CCDC85A: variants seen among roughly 807,000 people sequenced by gnomAD.
CCDC85A encodes the protein coiled-coil domain containing 85A, also known as coiled-coil domain-containing protein 85A.
A neutral mutation model predicts 50.2 loss-of-function variants in CCDC85A; 38 were observed. The observed-to-expected ratio is 0.76, with a 90% confidence interval of 0.58 to 0.99. The LOEUF (loss-of-function observed/expected upper bound fraction) is 0.99, where lower values mean the gene tolerates loss of function less well. Ranked by LOEUF, CCDC85A falls within the 50% of genes least tolerant of loss-of-function variation. The pLI, the probability that CCDC85A is intolerant of heterozygous loss-of-function variation, is 0.00. For missense variants in CCDC85A, 820 were observed against 742.0 expected (o/e 1.11, Z -1.22); for synonymous variants, 366 against 301.4 (o/e 1.21, Z -2.22).
intron 1 of CCDC85A, chr2:56,185,895 C>T (rs1676012160): frequency 6.6e-6 from 1 of 152,292 alleles, no homozygotes; most frequent in Non-Finnish European, 1.5e-5. Context: ...AAGCCAGACA[C>T]AAACGAAATC....
intron 2 of CCDC85A, among the ~76,000 whole-genome samples, chr2:56,236,229 C>G (rs569357822): frequency 6.6e-6 from 1 of 152,144 alleles, no homozygotes; most frequent in Admixed American, 6.5e-5. Flanking sequence ...CTAGTGAGCA[C>G]TCTAGTGTCA....
intron 2 of CCDC85A, among the ~76,000 whole-genome samples, chr2:56,270,211 A>C (rs1404674153): frequency 2.0e-5 from 3 of 152,228 alleles, no homozygotes; most frequent in Admixed American, 1.3e-4. Flanking sequence ...GCAAATGGAA[A>C]TTGGCAAAAT....
intron 2 of CCDC85A, among the ~76,000 whole-genome samples, chr2:56,271,710 A>T (rs1320029375): frequency 6.6e-6 from 1 of 152,188 alleles, no homozygotes; most frequent in African/African-American, 2.4e-5. Flanking sequence ...ATGGGAGGTA[A>T]GGCACAGACA....
chr2:56,219,393 C>A (rs1439321447), intron 2 of CCDC85A, among the ~76,000 whole-genome samples: 1 of 151,524 alleles, frequency 6.6e-6, no homozygotes, highest in Non-Finnish European at 1.5e-5. Flanking sequence ...CATGATCTTG[C>A]ATTTTAAAGT....
At chr2:56,295,577 T>C (rs1671911989) in intron 2 of CCDC85A, among the ~76,000 whole-genome samples, 1 of 152,162 alleles carries the variant, frequency 6.6e-6, no homozygotes, top group South Asian at 2.1e-4. Flanking sequence ...AGAATAGGTG[T>C]GGGGTGTGCG....
intron 2 of CCDC85A, among the ~76,000 whole-genome samples, chr2:56,223,948 A>G (rs1668436336): frequency 1.3e-5 from 2 of 152,066 alleles, no homozygotes; most frequent in Admixed American, 6.6e-5. Flanking sequence ...CCTTCACTTA[A>G]TATCTTTGTT....
intron 2 of CCDC85A, among the ~76,000 whole-genome samples, chr2:56,251,525 G>T (rs1669756337): frequency 6.6e-6 from 1 of 151,906 alleles, no homozygotes; most frequent in South Asian, 2.1e-4. Context: ...AATAAATATT[G>T]TTTGTATCAT....
chr2:56,354,989 C>A (rs938148316), intron 3 of CCDC85A, among the ~76,000 whole-genome samples: 3 of 152,182 alleles, frequency 2.0e-5, no homozygotes, highest in Non-Finnish European at 2.9e-5. Flanking sequence ...CAGTGTTCTC[C>A]ATGGGCCCAG....
intron 2 of CCDC85A, among the ~76,000 whole-genome samples, chr2:56,196,474 T>A (rs1172903394): frequency 6.6e-6 from 1 of 152,224 alleles, no homozygotes; most frequent in Non-Finnish European, 1.5e-5. Context: ...CTATTGAGAA[T>A]GGGGGTTTCA....
At chr2:56,329,503 A>G (rs1476899608) in intron 2 of CCDC85A, among the ~76,000 whole-genome samples, 1 of 152,232 alleles carries the variant, frequency 6.6e-6, no homozygotes, top group African/African-American at 2.4e-5. Flanking sequence ...AACGTACAAA[A>G]AAGTTCAAAG....
chr2:56,195,432 A>G (rs1391406982), intron 2 of CCDC85A, among the ~76,000 whole-genome samples: 1 of 152,198 alleles, frequency 6.6e-6, no homozygotes, highest in Non-Finnish European at 1.5e-5. Context: ...TGTCTACTTC[A>G]AGTTTTCTCA....
chr2:56,210,438 C>T (rs73940624), intron 2 of CCDC85A, among the ~76,000 whole-genome samples: 1 of 152,098 alleles, frequency 6.6e-6, no homozygotes, highest in African/African-American at 2.4e-5. Context: ...TGTGACAAAC[C>T]ACCTCAACAC....
At chr2:56,363,102 A>C (rs1187447953) in intron 3 of CCDC85A, among the ~76,000 whole-genome samples, 1 of 152,178 alleles carries the variant, frequency 6.6e-6, no homozygotes, top group Non-Finnish European at 1.5e-5. Context: ...CTTGTTTTCC[A>C]TCGTATTTTT....
intron 3 of CCDC85A, among the ~76,000 whole-genome samples, chr2:56,361,312 A>G (rs948317826): frequency 5.9e-5 from 9 of 152,040 alleles, no homozygotes; most frequent in African/African-American, 2.2e-4. Flanking sequence ...GCTGATGGCT[A>G]GCATTGGCCA....
chr2:56,210,505 T>C (rs567981110), intron 2 of CCDC85A, among the ~76,000 whole-genome samples: 1 of 152,102 alleles, frequency 6.6e-6, no homozygotes, highest in South Asian at 2.1e-4. Flanking sequence ...GGCTCAGGAA[T>C]TTGGACAAGG....
chr2:56,366,567 C>G (rs1025308455), intron 3 of CCDC85A, among the ~76,000 whole-genome samples: 4 of 152,184 alleles, frequency 2.6e-5, no homozygotes, highest in Non-Finnish European at 5.9e-5. Context: ...AATGTCTATT[C>G]AGGTCCTTTG....
chr2:56,238,284 G>A (rs1163849835), intron 2 of CCDC85A, among the ~76,000 whole-genome samples: 2 of 152,010 alleles, frequency 1.3e-5, no homozygotes, highest in South Asian at 2.1e-4. Flanking sequence ...AGGCATGGTG[G>A]TGGGCGCCTG....
At chr2:56,364,170 G>C (rs1675675751) in intron 3 of CCDC85A, among the ~76,000 whole-genome samples, 1 of 152,074 alleles carries the variant, frequency 6.6e-6, no homozygotes, top group East Asian at 1.9e-4. Flanking sequence ...GGCCTTCAAT[G>C]TTATTCTTTA....
chr2:56,280,357 G>A (rs1671151638), intron 2 of CCDC85A, among the ~76,000 whole-genome samples: 1 of 152,158 alleles, frequency 6.6e-6, no homozygotes, highest in African/African-American at 2.4e-5. Flanking sequence ...GACGTCTCAA[G>A]TTCAGTTTAC....
Sources: allele counts gnomAD v4.1 joint callset (sites outside exome capture counted in the v4.1 genomes callset), GRCh38; gene constraint gnomAD v4.1.1; transcripts MANE v1.5; gene names NCBI Gene and HGNC (gene_info 2026-07-23, HGNC 2026-07-21).